The following SPMIP7 variants were observed in gnomAD, a reference collection of about 807,000 sequenced individuals.
SPMIP7 encodes the protein sperm microtubule inner protein 7.
chr7:50,123,272 A>T, the SPMIP7 span, among the ~76,000 whole-genome samples: 2 of 131,074 alleles, frequency 1.5e-5, no homozygotes, highest in Middle Eastern at 7.1e-3. Flanking sequence ...TTGTAGGGAC[A>T]TGGATGAAAT....
chr7:50,118,358 G>T, the SPMIP7 span, among the ~76,000 whole-genome samples: 1 of 152,092 alleles, frequency 6.6e-6, no homozygotes, highest in Non-Finnish European at 1.5e-5. Flanking sequence ...AACAAATACT[G>T]GTGGGGTAAC....
the SPMIP7 span, among the ~76,000 whole-genome samples, chr7:50,134,676 T>A: frequency 1.3e-5 from 2 of 152,298 alleles, no homozygotes; most frequent in East Asian, 3.9e-4. Context: ...AAAGAGAAGA[T>A]CCATAGATTG....
chr7:50,146,282 T>A, the SPMIP7 span, among the ~76,000 whole-genome samples: 1 of 152,218 alleles, frequency 6.6e-6, no homozygotes, highest in African/African-American at 2.4e-5. Flanking sequence ...AGAGCCAAGA[T>A]CACTCATTTC....
At chr7:50,137,453 T>C in the SPMIP7 span, among the ~76,000 whole-genome samples, 1 of 152,158 alleles carries the variant, frequency 6.6e-6, no homozygotes, top group African/African-American at 2.4e-5. Context: ...TTCTGATTTT[T>C]ATTACAGTTG....
chr7:50,140,232 T>C, the SPMIP7 span: 1 of 1,149,574 alleles, frequency 8.7e-7, no homozygotes, highest in Non-Finnish European at 1.2e-6. Context: ...TATATTTTGG[T>C]TGTAGTTGCT....
the SPMIP7 span, among the ~76,000 whole-genome samples, chr7:50,122,762 G>A: frequency 2.0e-5 from 3 of 152,018 alleles, no homozygotes; most frequent in Admixed American, 1.3e-4. Flanking sequence ...CAAAGGACAT[G>A]AACAGACACT....
At chr7:50,159,102 G>A in the SPMIP7 span, 21 of 1,551,738 alleles carry the variant, frequency 1.4e-5, no homozygotes, top group East Asian at 4.6e-4. Context: ...CCCCTGTCTC[G>A]ACTGGTCACA....
the SPMIP7 span, chr7:50,140,280 C>G: frequency 1.6e-6 from 1 of 630,240 alleles, no homozygotes; most frequent in Non-Finnish European, 2.6e-6. Flanking sequence ...TTTAAGACAA[C>G]TTATATATTG....
At chr7:50,098,278 C>T in the SPMIP7 span, among the ~76,000 whole-genome samples, 485 of 152,162 alleles carry the variant, frequency 3.2e-3, no homozygotes, top group African/African-American at 0.011. Flanking sequence ...TTTCTTGATC[C>T]AGTTGTCTCT....
At chr7:50,112,163 A>AT in the SPMIP7 span, among the ~76,000 whole-genome samples, 1 of 152,218 alleles carries the variant, frequency 6.6e-6, no homozygotes, top group South Asian at 2.1e-4. Context: ...AGGACGTTGA[A>AT]TAAAAAATGA....
the SPMIP7 span, among the ~76,000 whole-genome samples, chr7:50,099,480 A>T: frequency 6.6e-6 from 1 of 152,158 alleles, no homozygotes; most frequent in Non-Finnish European, 1.5e-5. Flanking sequence ...CTCTCTGTGT[A>T]GGTGTTTCCA....
the SPMIP7 span, among the ~76,000 whole-genome samples, chr7:50,109,390 T>C: frequency 0.016 from 1,798 of 112,466 alleles, 27 homozygotes; most frequent in African/African-American, 0.047. Flanking sequence ...TTTATTTATT[T>C]ATTTAAGACA....
At chr7:50,139,924 AC>A in the SPMIP7 span, among the ~76,000 whole-genome samples, 2 of 152,344 alleles carry the variant, frequency 1.3e-5, no homozygotes, top group East Asian at 3.9e-4. Flanking sequence ...AAGCAGCCAG[AC>A]CCAAAAATTT....
At chr7:50,134,457 C>T in the SPMIP7 span, among the ~76,000 whole-genome samples, 1 of 152,102 alleles carries the variant, frequency 6.6e-6, no homozygotes, top group African/African-American at 2.4e-5. Flanking sequence ...ACTGCAAATA[C>T]TTTGATGTTT....
the SPMIP7 span, among the ~76,000 whole-genome samples, chr7:50,103,092 A>G: frequency 6.7e-6 from 1 of 149,602 alleles, no homozygotes; most frequent in African/African-American, 2.4e-5. Flanking sequence ...GATAGGTGGC[A>G]TCTGTGATAG....
the SPMIP7 span, among the ~76,000 whole-genome samples, chr7:50,158,738 C>T: frequency 2.0e-5 from 3 of 151,936 alleles, no homozygotes; most frequent in South Asian, 2.1e-4. Flanking sequence ...TTGATTCCCC[C>T]GGCCACCCCA....
At chr7:50,110,795 G>T in the SPMIP7 span, among the ~76,000 whole-genome samples, 1 of 109,348 alleles carries the variant, frequency 9.1e-6, no homozygotes, top group African/African-American at 4.5e-5. Context: ...TAACTAATAT[G>T]ATATCTAACA....
chr7:50,141,316 A>G, the SPMIP7 span: 1 of 1,552,058 alleles, frequency 6.4e-7, no homozygotes, highest in Non-Finnish European at 8.7e-7. Flanking sequence ...GATGATGTTG[A>G]CAACCCCTTG....
chr7:50,096,131 A>T, the SPMIP7 span: 2 of 1,538,960 alleles, frequency 1.3e-6, no homozygotes. Flanking sequence ...AAGTATCTCT[A>T]AAAGGTCCAT....
Sources: gnomAD v4.1 joint callset for allele counts (sites outside exome capture counted in the v4.1 genomes callset) on GRCh38, gnomAD v4.1.1 for gene constraint, MANE v1.5 for transcripts, NCBI Gene and HGNC (gene_info 2026-07-23, HGNC 2026-07-21) for gene names.